Variants in UBE2H observed in about 807,000 individuals in gnomAD.
UBE2H encodes the protein ubiquitin conjugating enzyme E2 H.
A neutral mutation model predicts 29.0 loss-of-function variants in UBE2H; 3 were observed. That is an observed-to-expected ratio of 0.10 (90% confidence interval 0.05 to 0.27). The LOEUF is 0.27. UBE2H is among the 10% of genes least tolerant of loss of function. UBE2H has a pLI of 1.00. For synonymous variants in UBE2H, 69 were observed against 82.9 expected (o/e 0.83, Z 0.91); for missense variants, 68 against 228.2 (o/e 0.30, Z 4.52).
intron 1 of UBE2H, among the ~76,000 whole-genome samples, chr7:129,928,525 C>A (rs1470876180): frequency 6.6e-6 from 1 of 152,184 alleles, no homozygotes; most frequent in African/African-American, 2.4e-5. Context: ...ATTGCTTGAA[C>A]TCGGGAGGTG....
intron 1 of UBE2H, among the ~76,000 whole-genome samples, chr7:129,947,338 C>G (rs1336647703): frequency 1.3e-5 from 2 of 152,140 alleles, no homozygotes; most frequent in African/African-American, 4.8e-5. Context: ...GCTTGAAGAC[C>G]ATAAAGCTGT....
chr7:129,886,773 A>T (rs1394261852), intron 1 of UBE2H, among the ~76,000 whole-genome samples: 2 of 115,226 alleles, frequency 1.7e-5, no homozygotes, highest in African/African-American at 6.9e-5. Flanking sequence ...TTGGTAAAAA[A>T]AAAAAAAAAA....
intron 1 of UBE2H, among the ~76,000 whole-genome samples, chr7:129,902,289 A>T (rs573056624): frequency 6.6e-6 from 1 of 152,218 alleles, no homozygotes; most frequent in East Asian, 1.9e-4. Flanking sequence ...ACCTGAGGTC[A>T]GGAGTTCAAG....
chr7:129,920,455 T>C lies in UBE2H; in HGVS notation c.53+32048A>G, dbSNP rs200573471. Reference sequence around the variant, plus strand: ...CAAAATGGAAAAAATATGGTACACATATAACTCAATATAAATGAACTGGAA... The same window carrying C: ...CAAAATGGAAAAAATATGGTACACACATAACTCAATATAAATGAACTGGAA... On this transcript the variant is annotated intron_variant, in intron 1 of 6. Coordinates refer to ENST00000355621, the MANE Select transcript of UBE2H (RefSeq NM_003344.4). Among the ~76,000 whole-genome samples the C allele has an allele frequency of 3.3e-5, 5 of 152,232 alleles. No individual in the cohort carries two copies. The East Asian group carries it at 9.7e-4, about 29-fold the overall frequency.
chr7:129,838,327 T>TGAA (rs577223919), intron 6 of UBE2H, among the ~76,000 whole-genome samples: 39 of 152,330 alleles, frequency 2.6e-4, no homozygotes, highest in African/African-American at 7.7e-4. Context: ...TACCTGCACA[T>TGAA]TTCAGAGTGA....
chr7:129,843,759 A>G (rs894211455), intron 5 of UBE2H, among the ~76,000 whole-genome samples: 9 of 152,210 alleles, frequency 5.9e-5, no homozygotes, highest in African/African-American at 2.2e-4. Context: ...CGCAGGAGGT[A>G]ACCCGCAGAC....
chr7:129,875,141 T>C (rs1180201171), intron 3 of UBE2H, among the ~76,000 whole-genome samples: 1 of 152,212 alleles, frequency 6.6e-6, no homozygotes. Flanking sequence ...TATTTACTTT[T>C]ATAATAAAAG....
intron 1 of UBE2H, among the ~76,000 whole-genome samples, chr7:129,922,514 T>C (rs1333961008): frequency 6.6e-6 from 1 of 152,166 alleles, no homozygotes; most frequent in African/African-American, 2.4e-5. Context: ...TGACCTCAAG[T>C]GATCCACCCG....
intron 1 of UBE2H, among the ~76,000 whole-genome samples, chr7:129,935,022 T>C (rs1807498130): frequency 6.6e-6 from 1 of 150,770 alleles, no homozygotes; most frequent in African/African-American, 2.4e-5. Context: ...TGTGTGTGTA[T>C]ATATATATAT....
intron 5 of UBE2H, among the ~76,000 whole-genome samples, chr7:129,845,181 C>A (rs1234265781): frequency 6.6e-6 from 1 of 152,190 alleles, no homozygotes; most frequent in East Asian, 1.9e-4. Context: ...AGCAGTGGTT[C>A]TGGGCTAAGT....
At chr7:129,908,780 C>A (rs1806871604) in intron 1 of UBE2H, among the ~76,000 whole-genome samples, 1 of 151,882 alleles carries the variant, frequency 6.6e-6, no homozygotes, top group Admixed American at 6.5e-5. Flanking sequence ...CTATGATTAT[C>A]CCCAACAAAG....
At chr7:129,843,586 G>T (rs577599125) in intron 5 of UBE2H, among the ~76,000 whole-genome samples, 41 of 152,236 alleles carry the variant, frequency 2.7e-4, no homozygotes. Flanking sequence ...GGTCAAAATC[G>T]CATACCATCG....
chr7:129,898,874 C>T (rs757584792), intron 1 of UBE2H, among the ~76,000 whole-genome samples: 6 of 151,904 alleles, frequency 3.9e-5, no homozygotes, highest in East Asian at 1.9e-4. Context: ...CTTTCCACCC[C>T]GCAACTTCTA....
chr7:129,914,014 A>G (rs970523554), intron 1 of UBE2H, among the ~76,000 whole-genome samples: 23 of 152,142 alleles, frequency 1.5e-4, no homozygotes, highest in African/African-American at 5.3e-4. Context: ...AACTCAATGC[A>G]TATCTTGGAA....
intron 3 of UBE2H, among the ~76,000 whole-genome samples, chr7:129,868,935 C>CTCT (rs1554432726): frequency 3.3e-5 from 4 of 119,836 alleles, no homozygotes; most frequent in Non-Finnish European, 5.1e-5. Flanking sequence ...CTCTCTCTCT[C>CTCT]TTTTTTTTTT....
At chr7:129,904,755 A>G (rs1287937022) in intron 1 of UBE2H, among the ~76,000 whole-genome samples, 2 of 152,180 alleles carry the variant, frequency 1.3e-5, no homozygotes, top group Non-Finnish European at 2.9e-5. Flanking sequence ...GAAATAAGAG[A>G]GCATCTGCCC....
rs561606286 is a variant in UBE2H at position 129,952,589 on chromosome 7, C to T, written c.-34G>A. On this transcript the variant is annotated 5_prime_UTR_variant, in exon 1 of 7. Transcript: ENST00000355621. ...CGCCGCCTCTCTCCCTTCCTCGGCC[C>T]GTCTGTCACGGGCCCGGGGCCCCGG... 36 of 1,605,522 alleles carry T rather than the reference C, an allele frequency of 2.2e-5. No individual in the cohort carries two copies. The East Asian group carries it at 7.2e-4, about 32-fold the overall frequency.
intron 1 of UBE2H, among the ~76,000 whole-genome samples, chr7:129,931,395 G>GAA (rs144385592): frequency 2.1e-5 from 3 of 145,492 alleles, no homozygotes; most frequent in Admixed American, 6.9e-5. Context: ...CTTGGGGAAA[G>GAA]AAAAAAAAAA....
At chr7:129,922,382 C>G (rs1255849047) in intron 1 of UBE2H, among the ~76,000 whole-genome samples, 9 of 151,958 alleles carry the variant, frequency 5.9e-5, no homozygotes, top group Non-Finnish European at 5.9e-5. Context: ...GCCTCTTGGG[C>G]TCAAGTGATT....
Sources: allele counts gnomAD v4.1 joint callset (sites outside exome capture counted in the v4.1 genomes callset), GRCh38; gene constraint gnomAD v4.1.1; transcripts MANE v1.5; gene names NCBI Gene and HGNC (gene_info 2026-07-23, HGNC 2026-07-21).